KDM6A: variants seen among roughly 807,000 people sequenced by gnomAD.
The protein encoded by KDM6A is lysine-specific demethylase 6A.
A neutral mutation model predicts 117.6 loss-of-function variants in KDM6A; 11 were observed. The ratio of observed to expected loss-of-function variants is 0.09; its 90% CI spans 0.06 to 0.15. The LOEUF is 0.15. KDM6A is among the 10% of genes least tolerant of loss of function. The pLI is 1.00. For synonymous variants in KDM6A, 384 were observed against 396.1 expected, an observed-to-expected ratio of 0.97 and a Z score of 0.36; for missense variants, 799 against 1,077.3, an observed-to-expected ratio of 0.74 and a Z score of 3.62.
chrX:45,008,785 A>G (rs1379773113), intron 4 of KDM6A, among the ~76,000 whole-genome samples: 1 of 111,871 alleles, frequency 8.9e-6, no homozygotes, highest in African/African-American at 3.3e-5. Context: ...ACTAAATTTA[A>G]AATTAAAAAA....
chrX:45,087,450 C>T (rs2045692753), intron 25 of KDM6A, among the ~76,000 whole-genome samples: 1 of 112,592 alleles, frequency 8.9e-6, no homozygotes, highest in Non-Finnish European at 1.9e-5. Context: ...CTTCTCTATT[C>T]ATATATTGGT....
At chrX:45,024,515 G>C (rs1274036137) in intron 6 of KDM6A, among the ~76,000 whole-genome samples, 1 of 110,354 alleles carries the variant, frequency 9.1e-6, no homozygotes, top group Non-Finnish European at 1.9e-5. Context: ...TGATTTGTTT[G>C]AGTTCCTTGT....
intron 8 of KDM6A, among the ~76,000 whole-genome samples, chrX:45,048,324 CTA>C (rs937668629): frequency 9.0e-6 from 1 of 110,871 alleles, no homozygotes; most frequent in African/African-American, 3.3e-5. Flanking sequence ...TGGAGATTGA[CTA>C]TATTTTTCTG....
chrX:44,976,663 A>T (rs2039632176), intron 4 of KDM6A, among the ~76,000 whole-genome samples: 1 of 111,486 alleles, frequency 9.0e-6, no homozygotes, highest in Non-Finnish European at 1.9e-5. Context: ...TGCGGAACCC[A>T]TGGATACAAA....
chrX:45,071,060 C>T (rs753195741), intron 18 of KDM6A, among the ~76,000 whole-genome samples: 1 of 112,001 alleles, frequency 8.9e-6, no homozygotes, highest in African/African-American at 3.2e-5. Flanking sequence ...TTCTTACTGG[C>T]CTTTTCATTG....
At chrX:45,062,612 TC>T (rs1187507100) in intron 15 of KDM6A, 34 bp from the exon 16 acceptor site, 4 of 1,006,720 alleles carry the variant, frequency 4.0e-6, no homozygotes, top group Non-Finnish European at 5.6e-6. Flanking sequence ...CCTAAATATA[TC>T]TTTGACTATA....
chrX:44,888,165 C>T (rs1375793851), intron 2 of KDM6A, among the ~76,000 whole-genome samples: 3 of 110,658 alleles, frequency 2.7e-5, no homozygotes, highest in Admixed American at 9.7e-5. Context: ...ATTAACCGGG[C>T]GTGGTGGCGG....
intron 3 of KDM6A, among the ~76,000 whole-genome samples, chrX:44,966,900 C>T (rs1323648098): frequency 1.6e-4 from 15 of 93,525 alleles, no homozygotes; most frequent in African/African-American, 3.0e-4. Context: ...GACAGAGTCT[C>T]GCTCTGTCGC....
At chrX:44,876,465 G>C (rs2031553882) in intron 2 of KDM6A, among the ~76,000 whole-genome samples, 1 of 110,360 alleles carries the variant, frequency 9.1e-6, no homozygotes, top group Admixed American at 9.8e-5. Flanking sequence ...GGAATGTTGA[G>C]CTATGTTGGT....
At chrX:45,064,210 T>C (rs2044430992) in intron 17 of KDM6A, among the ~76,000 whole-genome samples, 1 of 111,799 alleles carries the variant, frequency 8.9e-6, no homozygotes, top group African/African-American at 3.3e-5. Context: ...AAAAGACCAG[T>C]GAATAAGTAT....
chrX:44,898,879 C>T (rs2034102865), intron 2 of KDM6A, among the ~76,000 whole-genome samples: 2 of 107,281 alleles, frequency 1.9e-5, no homozygotes, highest in South Asian at 8.3e-4. Context: ...CTTATCCACT[C>T]TGCCCTTCCA....
chrX:45,051,862 C>T (rs755165722), intron 9 of KDM6A, 60 bp downstream of exon 9: 5 of 650,106 alleles, frequency 7.7e-6, no homozygotes, highest in African/African-American at 2.2e-5. Flanking sequence ...TTTTCCATGT[C>T]GAGTGTGGCA....
At chrX:44,938,864 C>T (rs1241722457) in intron 2 of KDM6A, among the ~76,000 whole-genome samples, 1 of 112,344 alleles carries the variant, frequency 8.9e-6, no homozygotes, top group African/African-American at 3.2e-5. Flanking sequence ...ATCTGCTCTA[C>T]CTATACTTTA....
At chrX:44,974,557 C>T in intron 3 of KDM6A, 109 bp from the exon 4 acceptor site, 1 of 559,311 alleles carries the variant, frequency 1.8e-6, no homozygotes, top group East Asian at 3.4e-5. Context: ...TGAAATATCA[C>T]TATCTACTGG....
chrX:44,873,513 G>C lies in KDM6A; in HGVS notation c.-39G>C, dbSNP rs897576391. ...GTCACTGCGGGCCCCGGTCCGAGGG[G>C]GGGTGTCGGCGTTGGAGTTGTGAAT... On this transcript the variant is annotated 5_prime_UTR_variant, in exon 1 of 30. Transcript: ENST00000611820. 3 of 1,209,155 alleles carry C rather than the reference G, an allele frequency of 2.5e-6. No individual in the cohort carries two copies. Among genetic ancestry groups the C allele is most frequent in the African/African-American group, 1.7e-5 (1 of 57,696 alleles).
At chrX:44,913,776 A>C (rs2035373370) in intron 2 of KDM6A, among the ~76,000 whole-genome samples, 1 of 110,899 alleles carries the variant, frequency 9.0e-6, no homozygotes, top group Admixed American at 9.6e-5. Context: ...GCACACACAC[A>C]TATATTCCAT....
chrX:44,984,268 C>T (rs371909590), intron 4 of KDM6A, among the ~76,000 whole-genome samples: 12,713 of 110,371 alleles, frequency 0.12, 892 homozygotes, highest in African/African-American at 0.25. Context: ...GTTTGTTTTT[C>T]TCTTGTAAAT....
At chrX:45,038,500 A>G (rs900055199) in intron 8 of KDM6A, among the ~76,000 whole-genome samples, 2 of 110,220 alleles carry the variant, frequency 1.8e-5, no homozygotes, top group Non-Finnish European at 3.8e-5. Flanking sequence ...TTTAAATTTT[A>G]GAACATCTTG....
intron 3 of KDM6A, among the ~76,000 whole-genome samples, chrX:44,966,091 A>G (rs1310306083): frequency 1.8e-5 from 2 of 110,589 alleles, no homozygotes; most frequent in Non-Finnish European, 3.8e-5. Context: ...TTTTAACACT[A>G]TGTTAGACTG....
Sources: allele counts gnomAD v4.1 joint callset (sites outside exome capture counted in the v4.1 genomes callset), GRCh38; gene constraint gnomAD v4.1.1; transcripts MANE v1.5; gene names NCBI Gene and HGNC (gene_info 2026-07-23, HGNC 2026-07-21).